GRM8: variants seen among roughly 807,000 people sequenced by gnomAD.
The protein encoded by GRM8 is glutamate metabotropic receptor 8.
Under a neutral mutation model 87.2 loss-of-function variants are expected in GRM8, and 47 were observed. The observed-to-expected ratio is 0.54, with a 90% confidence interval of 0.43 to 0.69. The LOEUF is 0.69. Ranked by LOEUF, GRM8 falls within the 30% of genes least tolerant of loss-of-function variation. The pLI, the probability that GRM8 is intolerant of heterozygous loss-of-function variation, is 0.00. For synonymous variants in GRM8, 396 were observed against 404.5 expected, an observed-to-expected ratio of 0.98 and a Z score of 0.25; for missense variants, 1,019 against 1,139.2, an observed-to-expected ratio of 0.89 and a Z score of 1.52.
At chr7:126,619,935 C>CT (rs1490978870) in intron 7 of GRM8, among the ~76,000 whole-genome samples, 2 of 152,160 alleles carry the variant, frequency 1.3e-5, no homozygotes, top group African/African-American at 4.8e-5. Flanking sequence ...AAGCAATCCT[C>CT]CCTCCTTGGC....
chr7:126,607,059 T>C (rs562004372), intron 8 of GRM8, among the ~76,000 whole-genome samples: 1 of 152,232 alleles, frequency 6.6e-6, no homozygotes, highest in Non-Finnish European at 1.5e-5. Context: ...AAAGCTTTCC[T>C]ATCTTAGACC....
intron 3 of GRM8, among the ~76,000 whole-genome samples, chr7:126,982,489 C>T (rs1424829532): frequency 1.3e-5 from 2 of 152,144 alleles, no homozygotes; most frequent in African/African-American, 4.8e-5. Context: ...GTCATAATTA[C>T]ACCTAATATA....
At chr7:127,018,043 T>C (rs1000470672) in intron 3 of GRM8, among the ~76,000 whole-genome samples, 4 of 152,088 alleles carry the variant, frequency 2.6e-5, no homozygotes, top group African/African-American at 9.7e-5. Flanking sequence ...AAAGTAAATA[T>C]GGCCGCTGGC....
Position 126,999,898 on chromosome 7 carries a change from A to G in GRM8, c.728-95215T>C, listed in dbSNP as rs527332882. On this transcript the variant is annotated intron_variant, in intron 3 of 10. Coordinates refer to ENST00000339582, the MANE Select transcript of GRM8 (RefSeq NM_000845.3). The stretch of plus-strand genomic sequence containing the variant: ...TCCCACCCCTGGGTATATACCCAAA[A>G]GAAAAGAAATCAGTATATCAAAGGG... Among the ~76,000 whole-genome samples the G allele has an allele frequency of 1.6e-4, 25 of 152,026 alleles. No individual in the cohort carries two copies. The South Asian group carries it at 5.2e-3, about 31-fold the overall frequency.
chr7:126,950,746 T>C (rs532848817), intron 3 of GRM8, among the ~76,000 whole-genome samples: 8 of 152,264 alleles, frequency 5.3e-5, no homozygotes, highest in Non-Finnish European at 7.4e-5. Context: ...TCCTATTGTA[T>C]AAATTAGAGA....
intron 7 of GRM8, among the ~76,000 whole-genome samples, chr7:126,716,014 C>T (rs1312281484): frequency 6.6e-6 from 1 of 152,090 alleles, no homozygotes; most frequent in Admixed American, 6.5e-5. Flanking sequence ...TAAGTCCTTT[C>T]ACCTAAAATA....
intron 7 of GRM8, among the ~76,000 whole-genome samples, chr7:126,711,881 C>T (rs11973102): frequency 3.7e-3 from 567 of 152,312 alleles, no homozygotes; most frequent in Non-Finnish European, 5.8e-3. Context: ...AGCAGGGCTT[C>T]GCTCTGGATT....
At chr7:126,954,020 T>A (rs1031268108) in intron 3 of GRM8, among the ~76,000 whole-genome samples, 13 of 152,270 alleles carry the variant, frequency 8.5e-5, no homozygotes, top group African/African-American at 2.9e-4. Flanking sequence ...CCAAACGAGA[T>A]GCCATATGGA....
chr7:126,915,395 A>G (rs1442139514), intron 3 of GRM8, among the ~76,000 whole-genome samples: 1 of 152,236 alleles, frequency 6.6e-6, no homozygotes, highest in African/African-American at 2.4e-5. Flanking sequence ...GCCCCCACAC[A>G]GAAACAGTGA....
chr7:126,884,681 T>C (rs1317091174), intron 6 of GRM8, among the ~76,000 whole-genome samples: 1 of 152,194 alleles, frequency 6.6e-6, no homozygotes, highest in Non-Finnish European at 1.5e-5. Flanking sequence ...TTTTTAGGTC[T>C]AGTTATTCAT....
intron 7 of GRM8, among the ~76,000 whole-genome samples, chr7:126,687,422 T>C (rs1585524428): frequency 6.6e-6 from 1 of 152,316 alleles, no homozygotes; most frequent in South Asian, 2.1e-4. Flanking sequence ...TGGTTATCTG[T>C]AATTCACTTA....
At chr7:126,715,755 T>C (rs903101678) in intron 7 of GRM8, among the ~76,000 whole-genome samples, 5 of 152,294 alleles carry the variant, frequency 3.3e-5, no homozygotes, top group African/African-American at 1.2e-4. Context: ...AACACCAATA[T>C]TCAAATATAG....
At chr7:127,175,542 T>G (rs1016933999) in intron 2 of GRM8, among the ~76,000 whole-genome samples, 2 of 152,096 alleles carry the variant, frequency 1.3e-5, no homozygotes, top group Admixed American at 6.5e-5. Flanking sequence ...GCATAGCATA[T>G]GCAAACTGCA....
chr7:127,108,609 C>T (rs1826038888), intron 2 of GRM8, among the ~76,000 whole-genome samples: 1 of 152,254 alleles, frequency 6.6e-6, no homozygotes, highest in African/African-American at 2.4e-5. Flanking sequence ...TAATGAGCCA[C>T]CCTTTCTAAA....
At chr7:127,033,010 T>TTTA (rs1817523722) in intron 3 of GRM8, among the ~76,000 whole-genome samples, 1 of 17,106 alleles carries the variant, frequency 5.8e-5, no homozygotes, top group Non-Finnish European at 1.6e-4. Flanking sequence ...TTTCGTTTCC[T>TTTA]TTTTTTTTTT....
chr7:126,715,052 T>C (rs1811571035), intron 7 of GRM8, among the ~76,000 whole-genome samples: 1 of 152,320 alleles, frequency 6.6e-6, no homozygotes, highest in Non-Finnish European at 1.5e-5. Flanking sequence ...AGCCAACTTT[T>C]TCCTGTAATG....
chr7:126,449,985 T>G (rs1802443023), intron 9 of GRM8, among the ~76,000 whole-genome samples: 1 of 151,808 alleles, frequency 6.6e-6, no homozygotes, highest in Non-Finnish European at 1.5e-5. Context: ...TCAGATGCCC[T>G]GAAGCAGATT....
At chr7:127,042,409 G>C (rs1206615573) in intron 3 of GRM8, among the ~76,000 whole-genome samples, 1 of 152,192 alleles carries the variant, frequency 6.6e-6, no homozygotes, top group Non-Finnish European at 1.5e-5. Flanking sequence ...AGATGAAGTG[G>C]GGAGGTGCAA....
At chr7:126,843,344 T>A (rs931722025) in intron 6 of GRM8, among the ~76,000 whole-genome samples, 7 of 152,138 alleles carry the variant, frequency 4.6e-5, no homozygotes, top group African/African-American at 1.7e-4. Flanking sequence ...ATATGGCTTG[T>A]GAGATTAGGC....
Sources: allele counts gnomAD v4.1 joint callset (sites outside exome capture counted in the v4.1 genomes callset), GRCh38; gene constraint gnomAD v4.1.1; transcripts MANE v1.5; gene names NCBI Gene and HGNC (gene_info 2026-07-23, HGNC 2026-07-21).